The following ATP8A2 variants were observed in gnomAD, a reference collection of about 807,000 sequenced individuals.
The protein encoded by ATP8A2 is ATPase phospholipid transporting 8A2.
A neutral mutation model predicts 165.6 loss-of-function variants in ATP8A2; 100 were observed. That is an observed-to-expected ratio of 0.60 (90% CI 0.51 to 0.71). ATP8A2 has a LOEUF of 0.71. Among genes scored for constraint, ATP8A2 ranks in the 30% least tolerant of loss-of-function variants. ATP8A2 has a pLI of 0.00. For missense variants in ATP8A2, 1,227 were observed against 1,479.5 expected (o/e 0.83, Z 2.80); for synonymous variants, 543 against 548.8 (o/e 0.99, Z 0.15).
At chr13:25,929,358 G>A (rs1265113775) in intron 33 of ATP8A2, among the ~76,000 whole-genome samples, 1 of 152,162 alleles carries the variant, frequency 6.6e-6, no homozygotes. Flanking sequence ...AGGAAAGGTG[G>A]CCCACATGAG....
chr13:25,966,469 C>A (rs536802388), intron 34 of ATP8A2, among the ~76,000 whole-genome samples: 16 of 152,124 alleles, frequency 1.1e-4, no homozygotes, highest in African/African-American at 3.9e-4. Flanking sequence ...GATAAAGGTG[C>A]TTGGGAACAG....
intron 24 of ATP8A2, among the ~76,000 whole-genome samples, chr13:25,601,455 G>GTTTGT (rs139480950): frequency 8.5e-5 from 13 of 152,238 alleles, no homozygotes; most frequent in South Asian, 4.2e-4. Flanking sequence ...TAATTAAATT[G>GTTTGT]TTTGTTTTGT....
chr13:25,891,346 A>G (rs879598608), intron 33 of ATP8A2, among the ~76,000 whole-genome samples: 12 of 150,234 alleles, frequency 8.0e-5, no homozygotes, highest in Admixed American at 1.3e-4. Context: ...TGTTTGAGAC[A>G]CAGTCTCGCT....
At chr13:25,459,556 T>A (rs1458744952) in intron 1 of ATP8A2, among the ~76,000 whole-genome samples, 1 of 152,192 alleles carries the variant, frequency 6.6e-6, no homozygotes, top group Non-Finnish European at 1.5e-5. Flanking sequence ...GAGTGGTATG[T>A]CCATGCAAGA....
chr13:25,785,876 C>T (rs1011246154), intron 27 of ATP8A2, among the ~76,000 whole-genome samples: 5 of 152,288 alleles, frequency 3.3e-5, no homozygotes, highest in Non-Finnish European at 7.3e-5. Flanking sequence ...GAATTCGTGA[C>T]GTATCACTAC....
intron 15 of ATP8A2, among the ~76,000 whole-genome samples, chr13:25,560,592 CG>C (rs2039113572): frequency 6.8e-6 from 1 of 145,996 alleles, no homozygotes; most frequent in South Asian, 2.3e-4. Flanking sequence ...CTCAGCTACT[CG>C]GGAGGCTGAG....
At chr13:25,862,524 G>A (rs1952389526) in intron 33 of ATP8A2, 116 bp downstream of exon 33, 1 of 745,580 alleles carries the variant, frequency 1.3e-6, no homozygotes, top group Non-Finnish European at 2.3e-6. Context: ...AGGAGAGGCT[G>A]GTCCTTCCTG....
intron 25 of ATP8A2, among the ~76,000 whole-genome samples, chr13:25,716,056 A>T (rs2043248549): frequency 6.6e-6 from 1 of 152,150 alleles, no homozygotes; most frequent in Admixed American, 6.6e-5. Context: ...TTTGATTTGC[A>T]TTTCCCTGAT....
intron 25 of ATP8A2, among the ~76,000 whole-genome samples, chr13:25,754,382 C>T (rs532462260): frequency 3.2e-4 from 48 of 151,866 alleles, no homozygotes; most frequent in Non-Finnish European, 5.6e-4. Context: ...GAAAACTTCA[C>T]CTTTTAAACA....
intron 2 of ATP8A2, among the ~76,000 whole-genome samples, chr13:25,490,713 A>T (rs892332938): frequency 3.9e-5 from 3 of 77,326 alleles, no homozygotes; most frequent in Non-Finnish European, 8.0e-5. Context: ...CGTGACTACT[A>T]ATTAGTTTTT....
chr13:25,542,073 T>C, intron 9 of ATP8A2, 27 bp downstream of exon 9: 1 of 1,604,594 alleles, frequency 6.2e-7, no homozygotes, highest in Non-Finnish European at 8.5e-7. Flanking sequence ...CTTCATTGTC[T>C]TTTAAACTAT....
intron 1 of ATP8A2, among the ~76,000 whole-genome samples, chr13:25,456,341 C>A (rs78272977): frequency 0.012 from 1,758 of 152,328 alleles, 38 homozygotes; most frequent in African/African-American, 0.04. Context: ...ACAGTCCACA[C>A]TTATACAAGT....
intron 1 of ATP8A2, among the ~76,000 whole-genome samples, chr13:25,408,462 G>A (rs1270296400): frequency 6.6e-6 from 1 of 151,964 alleles, no homozygotes; most frequent in African/African-American, 2.4e-5. Context: ...CAGACAGGAT[G>A]GTGAGCAGTG....
chr13:25,431,994 G>A (rs1276104228), intron 1 of ATP8A2, among the ~76,000 whole-genome samples: 2 of 152,154 alleles, frequency 1.3e-5, no homozygotes, highest in African/African-American at 4.8e-5. Flanking sequence ...TATGGTGTGT[G>A]GCCTTTGTGT....
At chr13:25,539,905 T>A (rs2038414835) in intron 7 of ATP8A2, among the ~76,000 whole-genome samples, 1 of 152,224 alleles carries the variant, frequency 6.6e-6, no homozygotes, top group Non-Finnish European at 1.5e-5. Flanking sequence ...TGGCTGTTGT[T>A]TTCTTCAAAA....
intron 16 of ATP8A2, chr13:25,567,302 T>A: frequency 2.2e-6 from 1 of 456,690 alleles, no homozygotes; most frequent in Non-Finnish European, 4.4e-6. Flanking sequence ...CTAATACCTC[T>A]CCCATTGCCT....
At chr13:25,925,549 AC>A (rs1954578222) in intron 33 of ATP8A2, among the ~76,000 whole-genome samples, 1 of 151,536 alleles carries the variant, frequency 6.6e-6, no homozygotes, top group Admixed American at 6.6e-5. Context: ...AAAAAAAAAA[AC>A]AAAATTGTAG....
At chr13:25,971,647 G>A (rs1469809749) in intron 35 of ATP8A2, among the ~76,000 whole-genome samples, 1 of 152,102 alleles carries the variant, frequency 6.6e-6, no homozygotes, top group Non-Finnish European at 1.5e-5. Flanking sequence ...AGTGCCAGAT[G>A]AGCTGACACA....
At chr13:25,906,449 C>T (rs1362680727) in intron 33 of ATP8A2, among the ~76,000 whole-genome samples, 1 of 152,084 alleles carries the variant, frequency 6.6e-6, no homozygotes, top group Non-Finnish European at 1.5e-5. Context: ...TCAAGGGTTT[C>T]CACAGCATGC....
Sources: allele counts gnomAD v4.1 joint callset (sites outside exome capture counted in the v4.1 genomes callset), GRCh38; gene constraint gnomAD v4.1.1; transcripts MANE v1.5; gene names NCBI Gene and HGNC (gene_info 2026-07-23, HGNC 2026-07-21).